CSGALNACT1: variants seen among roughly 807,000 people sequenced by gnomAD.
CSGALNACT1 encodes chondroitin sulfate N-acetylgalactosaminyltransferase 1.
CSGALNACT1 carries 52 observed loss-of-function variants against 51.0 expected under a neutral mutation model. That is an observed-to-expected ratio of 1.02 (90% confidence interval 0.82 to 1.29). The LOEUF (loss-of-function observed/expected upper bound fraction) is 1.29. CSGALNACT1 is among the 50% of genes most tolerant of loss of function. CSGALNACT1 has a pLI of 0.00. For missense variants in CSGALNACT1, 935 were observed against 679.2 expected, an observed-to-expected ratio of 1.38 and a Z score of -4.19; for synonymous variants, 341 against 254.4, an observed-to-expected ratio of 1.34 and a Z score of -3.24.
At chr8:19,606,005 C>G, upstream of CSGALNACT1, among the ~76,000 whole-genome samples, 1 of 152,128 alleles carries the variant, frequency 6.6e-6, no homozygotes, top group South Asian at 2.1e-4. Context: ...TGAAAATATC[C>G]ATCCAGCTGC....
intron 4 of CSGALNACT1, among the ~76,000 whole-genome samples, chr8:19,499,888 T>G (rs2076124686): frequency 6.6e-6 from 1 of 152,202 alleles, no homozygotes. Context: ...GCCTGGGTAC[T>G]GGATTCCCGG....
chr8:19,739,523 G>A (rs970764153), intron 1 of CSGALNACT1, among the ~76,000 whole-genome samples: 1 of 152,150 alleles, frequency 6.6e-6, no homozygotes, highest in Non-Finnish European at 1.5e-5. Context: ...AAGAATCACA[G>A]CAATAAGTTT....
At chr8:19,458,105 G>T (rs147406875) in intron 5 of CSGALNACT1, among the ~76,000 whole-genome samples, 35 of 152,206 alleles carry the variant, frequency 2.3e-4, no homozygotes, top group African/African-American at 8.4e-4. Flanking sequence ...TGGGAGTCTT[G>T]GTTCCTGCTA....
chr8:19,503,515 G>T (rs930658505), intron 4 of CSGALNACT1, among the ~76,000 whole-genome samples: 32 of 152,136 alleles, frequency 2.1e-4, no homozygotes, highest in African/African-American at 7.7e-4. Flanking sequence ...TTTTGAAACT[G>T]CTCTGTATGT....
chr8:19,533,300 T>C (rs1455053491), intron 3 of CSGALNACT1, among the ~76,000 whole-genome samples: 1 of 151,948 alleles, frequency 6.6e-6, no homozygotes, highest in African/African-American at 2.4e-5. Context: ...TATTTTTATT[T>C]TTATAGAGAT....
chr8:19,646,720 AG>A (rs1317949274), intron 1 of CSGALNACT1, among the ~76,000 whole-genome samples: 2 of 152,174 alleles, frequency 1.3e-5, no homozygotes, highest in Non-Finnish European at 2.9e-5. Flanking sequence ...TATCTATAAA[AG>A]GGGTCTATAA....
At chr8:19,417,326 T>G (rs1273514597) in intron 8 of CSGALNACT1, among the ~76,000 whole-genome samples, 6 of 152,210 alleles carry the variant, frequency 3.9e-5, no homozygotes. Flanking sequence ...GAAGCCATGC[T>G]AGGATATAAG....
At chr8:19,712,664 C>T (rs1272026994) in intron 1 of CSGALNACT1, among the ~76,000 whole-genome samples, 4 of 152,184 alleles carry the variant, frequency 2.6e-5, no homozygotes, top group Non-Finnish European at 1.5e-5. Context: ...AAATGCCAAC[C>T]ACTGCGTTTC....
At chr8:19,517,272 C>G (rs1017066385) in intron 3 of CSGALNACT1, among the ~76,000 whole-genome samples, 2 of 152,204 alleles carry the variant, frequency 1.3e-5, no homozygotes, top group East Asian at 3.9e-4. Context: ...GAAAAACCAT[C>G]TCTACTAAAA....
At position 19,482,510 on chromosome 8, in the gene CSGALNACT1, G is replaced by A. The variant is rs150531341; in HGVS notation, c.634+22691C>T. ...AATAGATCCTGTAAATTCTTATCTC[G>A]TACTGCCTTTCTCAATATTCGATGC... On this transcript the variant is annotated intron_variant, in intron 4 of 9. Transcript: ENST00000454498. 3.6e-3 allele frequency among the ~76,000 whole-genome samples: 543 copies of A among 152,098 alleles called. 3 individuals carry two copies. The highest frequency in any genetic ancestry group is 0.012 in the African/African-American group (499 of 41,472).
intron 1 of CSGALNACT1, among the ~76,000 whole-genome samples, chr8:19,624,112 G>C (rs1412494419): frequency 6.6e-6 from 1 of 152,174 alleles, no homozygotes; most frequent in African/African-American, 2.4e-5. Context: ...CCTAGTGGTA[G>C]AATGCCCACC....
intron 1 of CSGALNACT1, chr8:19,732,310 T>C (rs1334474298): frequency 1.3e-5 from 2 of 152,198 alleles, no homozygotes; most frequent in Non-Finnish European, 2.9e-5. Context: ...TTAACAGTAT[T>C]TCTACAATAA....
At chr8:19,420,581 A>C in intron 6 of CSGALNACT1, 63 bp from the exon 6 acceptor site, 1 of 1,525,396 alleles carries the variant, frequency 6.6e-7, no homozygotes, top group Non-Finnish European at 9.1e-7. Context: ...CCCCTGAGAA[A>C]ATATGTAATC....
At chr8:19,666,788 A>C (rs867758686) in intron 1 of CSGALNACT1, among the ~76,000 whole-genome samples, 1,003 of 17,306 alleles carry the variant, frequency 0.058, 33 homozygotes, top group Middle Eastern at 0.22. Flanking sequence ...AGAAAGAAAG[A>C]AAGAAAGAAA....
At chr8:19,620,872 G>A (rs2053733962) in intron 1 of CSGALNACT1, among the ~76,000 whole-genome samples, 1 of 152,186 alleles carries the variant, frequency 6.6e-6, no homozygotes, top group Non-Finnish European at 1.5e-5. Flanking sequence ...AGTCCAACCA[G>A]GAGCATCAGA....
At chr8:19,470,754 C>A (rs2067949830) in intron 4 of CSGALNACT1, among the ~76,000 whole-genome samples, 1 of 152,150 alleles carries the variant, frequency 6.6e-6, no homozygotes, top group South Asian at 2.1e-4. Context: ...AAAATGCTAA[C>A]TGAACGCAGG....
chr8:19,753,573 T>C (rs1366204274), intron 1 of CSGALNACT1, among the ~76,000 whole-genome samples: 1 of 152,206 alleles, frequency 6.6e-6, no homozygotes, highest in Non-Finnish European at 1.5e-5. Context: ...GGTCTTGAGA[T>C]ATTGCCTAGC....
rs139787662 is a variant in CSGALNACT1 at position 19,438,835 on chromosome 8, G to T, written c.953+995C>A. On this transcript the variant is annotated intron_variant, in intron 6 of 9. Transcript: ENST00000454498. ...ATTATAACTAGCATTCAGATCTTGG[G>T]CCCATTAATACAAAACTAGTAACAA... is the stretch of plus-strand genomic sequence containing the variant. Among the ~76,000 whole-genome samples the T allele has an allele frequency of 9.9e-4, 151 of 152,252 alleles. 1 individual carries two copies. Among genetic ancestry groups the T allele is most frequent in the African/African-American group, 3.5e-3 (147 of 41,540 alleles).
At chr8:19,542,566 T>A (rs566613842) in intron 3 of CSGALNACT1, among the ~76,000 whole-genome samples, 1 of 152,096 alleles carries the variant, frequency 6.6e-6, no homozygotes, top group South Asian at 2.1e-4. Context: ...GAAATCCTAA[T>A]GGAGTTACCA....
Sources: gnomAD v4.1 joint callset for allele counts (sites outside exome capture counted in the v4.1 genomes callset) on GRCh38, gnomAD v4.1.1 for gene constraint, MANE v1.5 for transcripts, NCBI Gene and HGNC (gene_info 2026-07-23, HGNC 2026-07-21) for gene names.